Variants in SLC12A6 observed in about 807,000 individuals in gnomAD.
SLC12A6 encodes solute carrier family 12 member 6.
SLC12A6 carries 66 observed loss-of-function variants against 135.3 expected under a neutral mutation model. That is an observed-to-expected ratio of 0.49 (90% CI 0.40 to 0.60). The LOEUF (loss-of-function observed/expected upper bound fraction) is 0.60, where lower values mean the gene tolerates loss of function less well. Among genes scored for constraint, SLC12A6 ranks in the 20% least tolerant of loss-of-function variants. The pLI, the probability that SLC12A6 is intolerant of heterozygous loss-of-function variation, is 0.00. For synonymous variants in SLC12A6, 513 were observed against 508.8 expected, an observed-to-expected ratio of 1.01 and a Z score of -0.11; for missense variants, 1,058 against 1,452.3, an observed-to-expected ratio of 0.73 and a Z score of 4.41.
chr15:34,312,596 A>G (rs201251320), intron 2 of SLC12A6, among the ~76,000 whole-genome samples: 7 of 152,210 alleles, frequency 4.6e-5, no homozygotes, highest in South Asian at 2.1e-4. Context: ...AGACGTAAGG[A>G]AAGTCCGAGT....
intron 3 of SLC12A6, among the ~76,000 whole-genome samples, chr15:34,262,172 T>C (rs973857268): frequency 1.3e-5 from 2 of 152,192 alleles, no homozygotes; most frequent in Non-Finnish European, 2.9e-5. Flanking sequence ...TGGCATACTT[T>C]CCTCTAATTG....
intron 2 of SLC12A6, among the ~76,000 whole-genome samples, chr15:34,323,240 C>G (rs988185703): frequency 6.6e-6 from 1 of 151,962 alleles, no homozygotes; most frequent in South Asian, 2.1e-4. Context: ...GATATGCAAA[C>G]CACTAAAAAC....
At chr15:34,298,533 T>C (rs192548038) in intron 2 of SLC12A6, among the ~76,000 whole-genome samples, 21 of 152,060 alleles carry the variant, frequency 1.4e-4, no homozygotes, top group African/African-American at 4.3e-4. Context: ...AGAGATGTTG[T>C]CAAGGGGATA....
At chr15:34,302,814 G>A (rs1028903798) in intron 2 of SLC12A6, among the ~76,000 whole-genome samples, 1 of 151,978 alleles carries the variant, frequency 6.6e-6, no homozygotes, top group African/African-American at 2.4e-5. Flanking sequence ...GCCTGGCGTA[G>A]TAGTGGATGT....
chr15:34,235,169 TG>T lies in SLC12A6; in HGVS notation c.3361+11del. Reference sequence around the variant, plus strand: ...TTTTCCCTACTGGAAGCCCCACTCTTGGAAAGGATACAGTTTTCATCACCCT... The same window carrying T: ...TTTTCCCTACTGGAAGCCCCACTCTTGAAAGGATACAGTTTTCATCACCCT... On this transcript the variant is annotated intron_variant, in intron 25 of 25. Coordinates refer to ENST00000354181, the MANE Select transcript of SLC12A6 (RefSeq NM_001365088.1). 1 of 1,613,282 alleles carries T rather than the reference TG, an allele frequency of 6.2e-7. No homozygotes were observed. The highest frequency in any genetic ancestry group is 8.5e-7 in the Non-Finnish European group (1 of 1,179,244).
chr15:34,288,969 C>T (rs145070100), intron 2 of SLC12A6, among the ~76,000 whole-genome samples: 7,184 of 152,210 alleles, frequency 0.047, 183 homozygotes, highest in Non-Finnish European at 0.062. Context: ...ATTTGAATAT[C>T]CCTTATTGCT....
chr15:34,254,129 A>G (rs1272603827), intron 9 of SLC12A6, among the ~76,000 whole-genome samples: 1 of 152,248 alleles, frequency 6.6e-6, no homozygotes, highest in Non-Finnish European at 1.5e-5. Flanking sequence ...TGATGGTTAC[A>G]GCTACTAGTT....
chr15:34,263,534 A>G (rs1000253358), intron 3 of SLC12A6, among the ~76,000 whole-genome samples: 2 of 152,172 alleles, frequency 1.3e-5, no homozygotes, highest in Admixed American at 6.5e-5. Flanking sequence ...AATTCGGTGA[A>G]AGAGCTATGA....
intron 2 of SLC12A6, among the ~76,000 whole-genome samples, chr15:34,300,046 A>T (rs1896135082): frequency 6.6e-6 from 1 of 152,190 alleles, no homozygotes; most frequent in Non-Finnish European, 1.5e-5. Flanking sequence ...GGCGAGAAAG[A>T]AAAGGAAAGA....
intron 2 of SLC12A6, among the ~76,000 whole-genome samples, chr15:34,278,253 G>A (rs934609887): frequency 1.3e-4 from 19 of 151,882 alleles, no homozygotes; most frequent in African/African-American, 4.6e-4. Context: ...ATAGAGAAAT[G>A]CCATCTCCAC....
At chr15:34,252,471 A>G in intron 9 of SLC12A6, 87 bp from the exon 10 acceptor site, 1 of 782,196 alleles carries the variant, frequency 1.3e-6, no homozygotes, top group Non-Finnish European at 2.2e-6. Flanking sequence ...AGGAAACAAG[A>G]ACCCCATCTT....
chr15:34,236,095 C>T lies in SLC12A6; in HGVS notation c.3147G>A (p.Trp1049Ter). ...ETYQEKVHMT[W>*]TKDKYMASRG... Reference sequence around the variant, plus strand: ...GGGATGCCATGTACTTGTCTTTTGTCCAAGTCATGTGCACCTTCTCCTGAT... The same window carrying T: ...GGGATGCCATGTACTTGTCTTTTGTTCAAGTCATGTGCACCTTCTCCTGAT... The change falls in exon 24 of 26, where the codon TGG (tryptophan) becomes TGA (stop). Residue 1049 changes from tryptophan to a stop codon, truncating the protein, a stop_gained. Coordinates refer to ENST00000354181, the MANE Select transcript of SLC12A6 (RefSeq NM_001365088.1). LOFTEE classifies it high-confidence loss of function. The T allele has an allele frequency of 6.2e-7, 1 of 1,613,806 alleles. No individual in the cohort carries two copies.
intron 2 of SLC12A6, among the ~76,000 whole-genome samples, chr15:34,277,579 G>A (rs151249422): frequency 3.8e-4 from 58 of 152,208 alleles, no homozygotes; most frequent in African/African-American, 1.4e-3. Flanking sequence ...GGAGAAACAA[G>A]CATGTAGCTG....
chr15:34,324,581 T>C (rs1288916652), intron 2 of SLC12A6, among the ~76,000 whole-genome samples: 1 of 152,030 alleles, frequency 6.6e-6, no homozygotes, highest in Non-Finnish European at 1.5e-5. Flanking sequence ...GAACTCATAA[T>C]AACCACTGTT....
chr15:34,306,987 G>A (rs532788047), intron 2 of SLC12A6, among the ~76,000 whole-genome samples: 1 of 152,262 alleles, frequency 6.6e-6, no homozygotes, highest in African/African-American at 2.4e-5. Context: ...CAGAAAAAGA[G>A]AACAGTGGTT....
rs192267327 is a variant in SLC12A6 at position 34,299,186 on chromosome 15, G to A, written c.272-23797C>T. Among the ~76,000 whole-genome samples the A allele has an allele frequency of 3.3e-5, 5 of 152,250 alleles. No homozygotes were observed. The East Asian group carries it at 7.7e-4, about 23-fold the overall frequency. ...GGGGATGATGGTGGGGATGATGGTG[G>A]TAGCGGAGGCTACTGGTGTAGACAT... On this transcript the variant is annotated intron_variant, in intron 2 of 25. Transcript: ENST00000354181.
intron 2 of SLC12A6, among the ~76,000 whole-genome samples, chr15:34,326,884 T>G (rs942967932): frequency 1.4e-5 from 2 of 144,370 alleles, no homozygotes; most frequent in Non-Finnish European, 3.0e-5. Context: ...TTTTTTTTTT[T>G]TTGTAGAGAT....
chr15:34,281,689 G>A (rs1178734132), intron 2 of SLC12A6, among the ~76,000 whole-genome samples: 3 of 152,226 alleles, frequency 2.0e-5, no homozygotes, highest in Non-Finnish European at 4.4e-5. Flanking sequence ...TTGGGAGGAT[G>A]AGGCAGGAGA....
intron 21 of SLC12A6, among the ~76,000 whole-genome samples, chr15:34,237,915 G>A (rs942226302): frequency 5.3e-5 from 8 of 152,088 alleles, no homozygotes; most frequent in African/African-American, 4.8e-5. Context: ...GCATATATGC[G>A]TGCAATACAC....
Sources: allele counts gnomAD v4.1 joint callset (sites outside exome capture counted in the v4.1 genomes callset), GRCh38; gene constraint gnomAD v4.1.1; transcripts MANE v1.5; gene names NCBI Gene and HGNC (gene_info 2026-07-23, HGNC 2026-07-21).